ATXN2: variants seen among roughly 807,000 people sequenced by gnomAD.
The protein encoded by ATXN2 is ataxin-2.
ATXN2 carries 37 observed loss-of-function variants against 138.6 expected under a neutral mutation model. The ratio of observed to expected loss-of-function variants is 0.27; its 90% confidence interval spans 0.21 to 0.35. The LOEUF (loss-of-function observed/expected upper bound fraction) is 0.35. Among genes scored for constraint, ATXN2 ranks in the 10% least tolerant of loss-of-function variants. The pLI is 1.00. For missense variants in ATXN2, 1,216 were observed against 1,480.3 expected, an observed-to-expected ratio of 0.82 and a Z score of 2.93; for synonymous variants, 549 against 543.7, an observed-to-expected ratio of 1.01 and a Z score of -0.13.
intron 20 of ATXN2, chr12:111,468,237 A>G (rs1399857011): frequency 6.6e-6 from 1 of 152,278 alleles, no homozygotes; most frequent in Non-Finnish European, 1.5e-5. Flanking sequence ...CCCCGTTAAG[A>G]CAACTAAAGA....
intron 21 of ATXN2, 199 bp from the exon 22 acceptor site, chr12:111,457,558 G>T: frequency 1.8e-6 from 1 of 553,038 alleles, no homozygotes; most frequent in Non-Finnish European, 3.1e-6. Context: ...ACTAGCATTT[G>T]GTTCATATAA....
chr12:111,478,297 T>C (rs1307352853), intron 18 of ATXN2, among the ~76,000 whole-genome samples: 1 of 151,984 alleles, frequency 6.6e-6, no homozygotes, highest in Non-Finnish European at 1.5e-5. Flanking sequence ...TCCCAGCTAC[T>C]TGGGAGGCTA....
At chr12:111,461,745 C>A (rs1875598293) in intron 21 of ATXN2, among the ~76,000 whole-genome samples, 1 of 151,626 alleles carries the variant, frequency 6.6e-6, no homozygotes, top group Admixed American at 6.6e-5. Context: ...GATGGTGAAA[C>A]CCTGTCTCTA....
At chr12:111,525,382 A>T in intron 5 of ATXN2, 66 bp from the exon 6 acceptor site, 1 of 1,403,456 alleles carries the variant, frequency 7.1e-7, no homozygotes, top group Non-Finnish European at 9.4e-7. Context: ...ACACACGTGA[A>T]TTACCAACAA....
chr12:111,527,081 GA>G (rs1880544667), intron 5 of ATXN2, among the ~76,000 whole-genome samples: 1 of 152,206 alleles, frequency 6.6e-6, no homozygotes, highest in Non-Finnish European at 1.5e-5. Flanking sequence ...CATGTTAGCT[GA>G]CCATACTGCT....
chr12:111,566,348 C>T (rs931322781), intron 1 of ATXN2, among the ~76,000 whole-genome samples: 3 of 150,804 alleles, frequency 2.0e-5, no homozygotes. Flanking sequence ...AGGAGAATTG[C>T]TTGAACCCGG....
At chr12:111,511,284 C>T (rs1380983624) in intron 11 of ATXN2, 1 of 150,420 alleles carries the variant, frequency 6.6e-6, no homozygotes, top group Non-Finnish European at 1.5e-5. Flanking sequence ...CGGAAGAAAA[C>T]TATTATTCAA....
intron 1 of ATXN2, among the ~76,000 whole-genome samples, chr12:111,570,390 T>G (rs2135812500): frequency 6.6e-6 from 1 of 152,306 alleles, no homozygotes; most frequent in South Asian, 2.1e-4. Flanking sequence ...CATCCAGCTG[T>G]TCTCTTTCTA....
At chr12:111,470,306 T>C in intron 19 of ATXN2, 66 bp from the exon 20 acceptor site, 1 of 1,548,282 alleles carries the variant, frequency 6.5e-7, no homozygotes, top group East Asian at 2.3e-5. Context: ...AGACTTTAGT[T>C]AAGATTTTTA....
intron 14 of ATXN2, among the ~76,000 whole-genome samples, chr12:111,505,563 T>G (rs1480912245): frequency 6.6e-6 from 1 of 152,102 alleles, no homozygotes; most frequent in Non-Finnish European, 1.5e-5. Flanking sequence ...CCAAAGAAGA[T>G]ATATAAATGG....
chr12:111,553,032 G>C lies in ATXN2; in HGVS notation c.349-55C>G, dbSNP rs1882200861. 2.5e-6 allele frequency: 3 copies of C among 1,194,694 alleles called. No homozygotes were observed. In the African/African-American group the frequency reaches 4.8e-5, roughly 19 times the overall value. 74.0% of individuals were successfully genotyped at this position (1,194,694 alleles called of 1,614,324 possible). The stretch of plus-strand genomic sequence containing the variant: ...AACAGTATACTACCCGGTCACCAGG[G>C]ATATTTGTTTTCATTTTACTTTTTA... On this transcript the variant is annotated intron_variant, in intron 3 of 24. Transcript: ENST00000673436.
intron 1 of ATXN2, among the ~76,000 whole-genome samples, chr12:111,562,983 C>T (rs1882784770): frequency 6.6e-6 from 1 of 152,138 alleles, no homozygotes; most frequent in Non-Finnish European, 1.5e-5. Flanking sequence ...AAGTTAACAA[C>T]CCCAGTAATG....
intron 1 of ATXN2, among the ~76,000 whole-genome samples, chr12:111,571,326 C>T (rs1341411272): frequency 2.0e-5 from 3 of 152,162 alleles, no homozygotes; most frequent in African/African-American, 7.2e-5. Context: ...CTCCACAAAA[C>T]AGTGTGAGGG....
At chr12:111,455,163 G>C (rs1304630632) in intron 23 of ATXN2, 1 of 702,220 alleles carries the variant, frequency 1.4e-6, no homozygotes, top group Non-Finnish European at 2.6e-6. Context: ...GTCTCACTTA[G>C]ACCCGCCTCA....
chr12:111,597,193 T>A (rs981839101), intron 1 of ATXN2, among the ~76,000 whole-genome samples: 1 of 152,042 alleles, frequency 6.6e-6, no homozygotes, highest in African/African-American at 2.4e-5. Context: ...TAACCGACTG[T>A]TTCCGCCCCC....
chr12:111,473,611 G>T (rs907626051), intron 18 of ATXN2, among the ~76,000 whole-genome samples: 1 of 152,000 alleles, frequency 6.6e-6, no homozygotes, highest in African/African-American at 2.4e-5. Context: ...ATCAATGGCT[G>T]CTAAAAAACA....
intron 11 of ATXN2, chr12:111,512,587 T>G (rs1566034952): frequency 6.6e-6 from 1 of 152,194 alleles, no homozygotes; most frequent in Non-Finnish European, 1.5e-5. Context: ...CCCAAGTAGC[T>G]GGGACTACAG....
intron 1 of ATXN2, among the ~76,000 whole-genome samples, chr12:111,562,176 G>A (rs1348146477): frequency 1.3e-5 from 2 of 151,732 alleles, no homozygotes; most frequent in African/African-American, 2.4e-5. Flanking sequence ...GCTCATGCCT[G>A]TAATGCCAAC....
Position 111,598,521 on chromosome 12 carries a change from G to A in ATXN2, c.251+263C>T, listed in dbSNP as rs1053366170. 1.1e-5 allele frequency: 11 copies of A among 984,454 alleles called. No homozygotes were observed. The East Asian group carries it at 4.6e-4, about 41-fold the overall frequency. The allele number at this position is 984,454 out of a possible 1,614,324, so 61.0% of individuals were successfully genotyped here. The stretch of plus-strand genomic sequence containing the variant: ...CTCCCAACACGCGTGGGGAGGGGAG[G>A]CCGCCCGCTCCCTCCATCTTGACCG... On this transcript the variant is annotated intron_variant, in intron 1 of 24. Coordinates refer to ENST00000673436, the MANE Select transcript of ATXN2 (RefSeq NM_001372574.1). This position sits in a 1 kb window ranked among gnomAD's most constrained non-coding sequence, Gnocchi z 4.5.
Sources: allele counts gnomAD v4.1 joint callset (sites outside exome capture counted in the v4.1 genomes callset), GRCh38; gene constraint gnomAD v4.1.1; non-coding constraint Gnocchi (gnomAD v3.1); transcripts MANE v1.5; gene names NCBI Gene and HGNC (gene_info 2026-07-23, HGNC 2026-07-21).